Variants in AKR1E2 observed in about 807,000 individuals in gnomAD.
The protein encoded by AKR1E2 is aldo-keto reductase family 1 member E2, also known as 1,5-anhydro-D-fructose reductase.
In AKR1E2, 43 loss-of-function variants were observed where a neutral mutation model predicts 41.9. The observed-to-expected ratio is 1.03, with a 90% CI of 0.80 to 1.32. The LOEUF (loss-of-function observed/expected upper bound fraction) is 1.32, where lower values mean the gene tolerates loss of function less well. AKR1E2 is among the 40% of genes most tolerant of loss of function. The pLI, the probability that AKR1E2 is intolerant of heterozygous loss-of-function variation, is 0.00. For missense variants in AKR1E2, 423 were observed against 396.5 expected, an observed-to-expected ratio of 1.07 and a Z score of -0.57; for synonymous variants, 121 against 138.9, an observed-to-expected ratio of 0.87 and a Z score of 0.91.
the AKR1E2 span, among the ~76,000 whole-genome samples, chr10:4,864,410 GC>G: frequency 6.6e-6 from 1 of 152,086 alleles, no homozygotes; most frequent in African/African-American, 2.4e-5. Context: ...AAATTCAACA[GC>G]CCTTCATGCT....
the AKR1E2 span, among the ~76,000 whole-genome samples, chr10:4,863,412 C>T: frequency 0.024 from 3,601 of 152,052 alleles, 60 homozygotes; most frequent in East Asian, 0.072. Context: ...TTGAAACCAA[C>T]GAGAACAAAA....
intron 8 of AKR1E2, among the ~76,000 whole-genome samples, chr10:4,846,632 A>G (rs919908784): frequency 6.7e-6 from 1 of 148,618 alleles, no homozygotes; most frequent in Non-Finnish European, 1.5e-5. Context: ...TGCAACCTCC[A>G]CCTCCTGGGT....
intron 8 of AKR1E2, among the ~76,000 whole-genome samples, chr10:4,844,252 C>G (rs1467666496): frequency 6.6e-6 from 1 of 151,784 alleles, no homozygotes; most frequent in Non-Finnish European, 1.5e-5. Context: ...TGTTACAGCT[C>G]TTAAGGTGGC....
chr10:4,833,146 G>A (rs944594830), intron 2 of AKR1E2, among the ~76,000 whole-genome samples: 1 of 152,196 alleles, frequency 6.6e-6, no homozygotes, highest in African/African-American at 2.4e-5. Context: ...AAGGATCCCA[G>A]CTTTGGAGCC....
intron 2 of AKR1E2, 151 bp from the exon 3 acceptor site, chr10:4,833,199 C>T: frequency 1.4e-6 from 1 of 691,750 alleles, no homozygotes; most frequent in Non-Finnish European, 2.6e-6. Context: ...GATAATGTCC[C>T]TGTCCTCCCA....
chr10:4,864,004 G>A, the AKR1E2 span, among the ~76,000 whole-genome samples: 5 of 152,230 alleles, frequency 3.3e-5, no homozygotes, highest in East Asian at 1.9e-4. Context: ...AGGACCAGAC[G>A]GATTCACAGC....
chr10:4,835,533 G>A (rs2131523360), intron 3 of AKR1E2, 142 bp from the exon 4 acceptor site: 1 of 1,042,812 alleles, frequency 9.6e-7, no homozygotes, highest in East Asian at 2.7e-5. Flanking sequence ...TTCTTAGAAA[G>A]GTGAAGACTG....
chr10:4,855,908 G>A, the AKR1E2 span, among the ~76,000 whole-genome samples: 2 of 152,250 alleles, frequency 1.3e-5, no homozygotes, highest in African/African-American at 4.8e-5. Flanking sequence ...CGGAGCATTC[G>A]ATTCTAGATA....
intron 1 of AKR1E2, among the ~76,000 whole-genome samples, chr10:4,829,494 G>C (rs1038197623): frequency 3.9e-5 from 6 of 152,200 alleles, no homozygotes; most frequent in Non-Finnish European, 7.3e-5. Flanking sequence ...TTTGTAGAAT[G>C]AGTTGAGATA....
In AKR1E2 at chr10:4,837,578, C is replaced by A. The variant is rs1833531661; in HGVS notation, c.579C>A (p.Asn193Lys). The A allele has an allele frequency of 3.1e-6, 5 of 1,612,832 alleles. No individual in the cohort carries two copies. Among genetic ancestry groups the A allele is most frequent in the Non-Finnish European group, 4.2e-6 (5 of 1,179,028 alleles). The change falls in exon 5 of 10, where the codon AAC becomes AAA. Residue 193 changes from asparagine (N) to lysine (K), a missense_variant. Transcript: ENST00000298375. ...KPGLRFKPLT[N>K]QIECHPYLTQ... ...GGTTGAGGTTCAAGCCACTAACCAA[C>A]CAGGTAAGCCGATGGAAGCATCAGA...
the AKR1E2 span, among the ~76,000 whole-genome samples, chr10:4,853,300 C>T: frequency 6.6e-6 from 1 of 152,142 alleles, no homozygotes; most frequent in Admixed American, 6.5e-5. Context: ...CATGAAAAAA[C>T]CCCAGCCTCA....
At position 4,830,675 on chromosome 10, in the gene AKR1E2, G is replaced by T; in HGVS notation, c.40G>T (p.Ala14Ser). The part of the protein sequence containing the change: ...IPAVGLSSWK[A>S]SPGKVTEAVK... ...ACACTTTGTTTTGTTGGTTTTGCAG[G>T]CTTCTCCAGGGAAAGTGACCGAGGC... is the stretch of plus-strand genomic sequence containing the variant. The change falls in exon 2 of 10, where the codon GCT becomes TCT. Residue 14 changes from alanine to serine, a missense_variant and splice_region_variant. Ala to Ser is a moderately conservative substitution (Grantham distance 99). Transcript: ENST00000298375. 5 of 1,613,818 alleles carry T rather than the reference G, an allele frequency of 3.1e-6. No individual in the cohort carries two copies. Among genetic ancestry groups the T allele is most frequent in the Non-Finnish European group, 4.2e-6 (5 of 1,179,794 alleles).
Position 4,841,810 on chromosome 10 carries a change from C to T in AKR1E2, c.706C>T (p.Pro236Ser), listed in dbSNP as rs763130186. Reference protein sequence around the residue: ...SCEGVDLIDNPVIKRIAKEHG... With the variant: ...SCEGVDLIDNSVIKRIAKEHG... ...TGAGGGGGTTGACCTGATAGACAAC[C>T]CTGTGATCAAGAGGATTGCAAAGGA... The change falls in exon 7 of 10, where the codon CCT (proline) becomes TCT (serine). Residue 236 changes from proline (P) to serine (S), a missense_variant. By Grantham distance (74) the Pro-to-Ser change is moderately conservative (BLOSUM62 -1). Coordinates refer to ENST00000298375, the MANE Select transcript of AKR1E2 (RefSeq NM_001040177.3). 32 of 1,612,772 alleles carry T rather than the reference C, an allele frequency of 2.0e-5. No homozygotes were observed. Among genetic ancestry groups the T allele is most frequent in the Admixed American group, 3.3e-5 (2 of 59,860 alleles).
In AKR1E2 at chr10:4,847,683, A is replaced by G. The variant is rs1834432207; in HGVS notation, c.*153A>G. 1.2e-6 allele frequency: 1 copy of G among 819,012 alleles called. No homozygotes were observed. Among genetic ancestry groups the G allele is most frequent in the Non-Finnish European group, 2.0e-6 (1 of 505,820 alleles). The allele number at this position is 819,012 out of a possible 1,614,324, so 50.7% of individuals were successfully genotyped here. On this transcript the variant is annotated 3_prime_UTR_variant, in exon 10 of 10. Coordinates refer to ENST00000298375, the MANE Select transcript of AKR1E2 (RefSeq NM_001040177.3). The stretch of plus-strand genomic sequence containing the variant: ...GATGTAAGAGCCACCTTCTCTGACA[A>G]ATCTGGAGAATTGAGTGTGTTCTAA...
At chr10:4,859,950 T>C in the AKR1E2 span, among the ~76,000 whole-genome samples, 7 of 152,336 alleles carry the variant, frequency 4.6e-5, no homozygotes, top group East Asian at 1.4e-3. Flanking sequence ...AGGCACCAGA[T>C]GGGGCTCTGG....
At chr10:4,852,540 C>T (rs1358379284), downstream of AKR1E2, among the ~76,000 whole-genome samples, 1 of 152,034 alleles carries the variant, frequency 6.6e-6, no homozygotes, top group Non-Finnish European at 1.5e-5. Context: ...GGAAGAGAAT[C>T]TCTGAAATTA....
the AKR1E2 span, among the ~76,000 whole-genome samples, chr10:4,866,628 G>GTTTTGT: frequency 7.4e-6 from 1 of 135,254 alleles, no homozygotes; most frequent in African/African-American, 2.7e-5. Context: ...AGGGAGCAGA[G>GTTTTGT]TTTTGTTTTT....
the AKR1E2 span, among the ~76,000 whole-genome samples, chr10:4,869,753 G>C: frequency 3.9e-5 from 6 of 151,918 alleles, no homozygotes; most frequent in East Asian, 1.2e-3. Context: ...AAGACTTCCT[G>C]TTTTACCTGT....
chr10:4,841,857 G>T lies in AKR1E2; in HGVS notation c.753G>T (p.Gln251His), dbSNP rs1833911379. ...IAKEHGKSPA[Q>H]ILIRFQIQRN... ...AGGAGCACGGCAAGTCTCCTGCTCA[G>T]GTAGGGAGGGAGGGCTGTTCTGAGC... Residue 251 changes from glutamine to histidine, a missense_variant and splice_region_variant, in exon 7 of 10, where the codon CAG becomes CAT. Gln to His is a conservative substitution (Grantham distance 24, BLOSUM62 0). Transcript: ENST00000298375. 2 of 1,613,092 alleles carry T rather than the reference G, an allele frequency of 1.2e-6. No homozygotes were observed. Among genetic ancestry groups the T allele is most frequent in the African/African-American group, 1.3e-5 (1 of 74,910 alleles).
Sources: allele counts gnomAD v4.1 joint callset (sites outside exome capture counted in the v4.1 genomes callset), GRCh38; gene constraint gnomAD v4.1.1; transcripts MANE v1.5; gene names NCBI Gene and HGNC (gene_info 2026-07-23, HGNC 2026-07-21).